Variants in NOL10 observed in about 807,000 individuals in gnomAD.
The protein encoded by NOL10 is H_NH0074G24.1.
A neutral mutation model predicts 103.5 loss-of-function variants in NOL10; 58 were observed. That is an observed-to-expected ratio of 0.56 (90% CI 0.45 to 0.70). The LOEUF is 0.70. Ranked by LOEUF, NOL10 falls within the 30% of genes least tolerant of loss-of-function variation. The pLI is 0.00. For missense variants in NOL10, 763 were observed against 807.3 expected, an observed-to-expected ratio of 0.95 and a Z score of 0.67; for synonymous variants, 287 against 282.5, an observed-to-expected ratio of 1.02 and a Z score of -0.16.
intron 3 of NOL10, among the ~76,000 whole-genome samples, chr2:10,677,290 T>C (rs993245470): frequency 5.3e-5 from 8 of 152,148 alleles, no homozygotes; most frequent in Admixed American, 5.2e-4. Flanking sequence ...TTCACAATGA[T>C]AGTCTATCTC....
chr2:10,684,702 A>G, intron 1 of NOL10, 90 bp from the exon 2 acceptor site: 2 of 936,510 alleles, frequency 2.1e-6, no homozygotes, highest in Non-Finnish European at 3.3e-6. Context: ...ATATTTAAAA[A>G]TTCAAACTTC....
intron 13 of NOL10, among the ~76,000 whole-genome samples, chr2:10,623,632 C>A (rs1677274907): frequency 1.3e-5 from 2 of 152,146 alleles, no homozygotes; most frequent in South Asian, 4.1e-4. Context: ...GATATCCCAC[C>A]CTTGGTCCTG....
At chr2:10,661,127 G>C (rs1439027818) in intron 9 of NOL10, among the ~76,000 whole-genome samples, 1 of 152,186 alleles carries the variant, frequency 6.6e-6, no homozygotes, top group Non-Finnish European at 1.5e-5. Flanking sequence ...CCAGGTTGGA[G>C]TGCAATGGCA....
At chr2:10,662,304 CTCTT>C (rs981667437) in intron 9 of NOL10, among the ~76,000 whole-genome samples, 1 of 152,204 alleles carries the variant, frequency 6.6e-6, no homozygotes, top group African/African-American at 2.4e-5. Flanking sequence ...TATCCTCAGG[CTCTT>C]TCTAAGACTT....
chr2:10,615,965 A>G (rs1676811528), intron 13 of NOL10, among the ~76,000 whole-genome samples: 1 of 152,108 alleles, frequency 6.6e-6, no homozygotes, highest in Non-Finnish European at 1.5e-5. Flanking sequence ...AGGACAATTA[A>G]TGGCAGTCTA....
At chr2:10,582,808 G>A (rs923875557) in intron 19 of NOL10, among the ~76,000 whole-genome samples, 6 of 152,156 alleles carry the variant, frequency 3.9e-5, no homozygotes, top group African/African-American at 1.4e-4. Context: ...CTGTGGCTGA[G>A]TCTTCTCTGC....
intron 19 of NOL10, among the ~76,000 whole-genome samples, chr2:10,587,275 AT>A (rs70953314): frequency 0.062 from 1,403 of 22,536 alleles, 344 homozygotes; most frequent in Non-Finnish European, 0.078. Flanking sequence ...ATATATATAT[AT>A]TTTTTTTTTT....
intron 13 of NOL10, among the ~76,000 whole-genome samples, chr2:10,622,625 A>AT (rs1013056008): frequency 6.6e-6 from 1 of 152,176 alleles, no homozygotes; most frequent in African/African-American, 2.4e-5. Flanking sequence ...AGGAGCGGAG[A>AT]CCCAGCCCCT....
At chr2:10,644,128 T>C (rs1456420345) in intron 13 of NOL10, among the ~76,000 whole-genome samples, 192 bp downstream of exon 13, 1 of 152,060 alleles carries the variant, frequency 6.6e-6, no homozygotes, top group African/African-American at 2.4e-5. Flanking sequence ...CGTACACCTG[T>C]AATCCCAGCT....
At chr2:10,664,724 A>G (rs1460315349) in intron 8 of NOL10, among the ~76,000 whole-genome samples, 3 of 152,140 alleles carry the variant, frequency 2.0e-5, no homozygotes, top group Admixed American at 1.3e-4. Flanking sequence ...TTGGTAGAGA[A>G]GAGGTGTCGC....
chr2:10,678,436 A>AGC (rs1553315652), intron 3 of NOL10, among the ~76,000 whole-genome samples: 3 of 150,088 alleles, frequency 2.0e-5, no homozygotes, highest in Middle Eastern at 3.4e-3. Flanking sequence ...AAAAAAAAAA[A>AGC]CACTAATAAA....
intron 17 of NOL10, among the ~76,000 whole-genome samples, chr2:10,594,272 T>A (rs1030906894): frequency 6.6e-6 from 1 of 152,160 alleles, no homozygotes; most frequent in Non-Finnish European, 1.5e-5. Flanking sequence ...GGGAATTGGT[T>A]GTTGTTGAGA....
At chr2:10,591,649 G>A (rs1372811685) in intron 17 of NOL10, among the ~76,000 whole-genome samples, 1 of 152,076 alleles carries the variant, frequency 6.6e-6, no homozygotes, top group East Asian at 1.9e-4. Context: ...GAAGGAGGGA[G>A]ACAGGGAAGG....
At chr2:10,580,436 G>C (rs79710091) in intron 19 of NOL10, among the ~76,000 whole-genome samples, 2 of 151,504 alleles carry the variant, frequency 1.3e-5, no homozygotes, top group South Asian at 2.1e-4. Flanking sequence ...AGCCATGGGG[G>C]ACTTTTTCAC....
At chr2:10,631,592 A>C (rs62127196) in intron 13 of NOL10, among the ~76,000 whole-genome samples, 1 of 152,096 alleles carries the variant, frequency 6.6e-6, no homozygotes, top group Non-Finnish European at 1.5e-5. Flanking sequence ...TCCCAAACAC[A>C]ACGATTGCAT....
intron 1 of NOL10, among the ~76,000 whole-genome samples, chr2:10,685,552 C>T (rs529648412): frequency 1.6e-4 from 22 of 134,896 alleles, no homozygotes; most frequent in Non-Finnish European, 2.5e-4. Flanking sequence ...AGAAAACTAA[C>T]GAAAATAAAT....
chr2:10,641,848 A>G (rs1678716882), intron 13 of NOL10, among the ~76,000 whole-genome samples: 1 of 152,008 alleles, frequency 6.6e-6, no homozygotes. Context: ...CCACCTCTCC[A>G]TAACGCGGCT....
intron 19 of NOL10, among the ~76,000 whole-genome samples, chr2:10,583,376 G>A (rs1407930775): frequency 6.6e-6 from 1 of 152,066 alleles, no homozygotes; most frequent in East Asian, 1.9e-4. Context: ...TTTATACAAT[G>A]ACGCTAAATC....
chr2:10,602,350 T>C (rs1348883320), intron 16 of NOL10, among the ~76,000 whole-genome samples: 2 of 152,256 alleles, frequency 1.3e-5, no homozygotes, highest in South Asian at 2.1e-4. Context: ...CATTAAATTC[T>C]ATGTACTCAG....
Sources: allele counts gnomAD v4.1 joint callset (sites outside exome capture counted in the v4.1 genomes callset), GRCh38; gene constraint gnomAD v4.1.1; transcripts MANE v1.5; gene names NCBI Gene and HGNC (gene_info 2026-07-23, HGNC 2026-07-21).